The following SEC22A variants were observed in gnomAD, a reference collection of about 807,000 sequenced individuals.
SEC22A encodes vesicle-trafficking protein SEC22a.
In SEC22A, 22 loss-of-function variants were observed where a neutral mutation model predicts 35.3. That is an observed-to-expected ratio of 0.62 (90% CI 0.45 to 0.89). The LOEUF (loss-of-function observed/expected upper bound fraction) is 0.89. Among genes scored for constraint, SEC22A ranks in the 40% least tolerant of loss-of-function variants. The pLI, the probability that SEC22A is intolerant of heterozygous loss-of-function variation, is 0.00. For synonymous variants in SEC22A, 119 were observed against 129.5 expected (o/e 0.92, Z 0.55); for missense variants, 354 against 362.5 (o/e 0.98, Z 0.19).
rs571127579 is a variant in SEC22A at position 123,241,349 on chromosome 3, A to G, written c.542-4550A>G. ...TTGTGCCAGACTGTTAGTCTCATTC[A>G]GTCACACTTCAGTAATAAATTAGGC... On this transcript the variant is annotated intron_variant, in intron 4 of 6. Transcript: ENST00000492595. Among the ~76,000 whole-genome samples, 147 of 152,310 alleles carry G rather than the reference A, an allele frequency of 9.7e-4. 1 individual carries two copies. Among genetic ancestry groups the G allele is most frequent in the African/African-American group, 3.4e-3 (142 of 41,580 alleles).
chr3:123,265,100 C>G (rs1013022313), intron 6 of SEC22A, among the ~76,000 whole-genome samples: 1 of 152,138 alleles, frequency 6.6e-6, no homozygotes, highest in Non-Finnish European at 1.5e-5. Flanking sequence ...CCATACTGAA[C>G]ATGTACAGAC....
intron 5 of SEC22A, among the ~76,000 whole-genome samples, chr3:123,253,718 A>C (rs1478291503): frequency 6.6e-6 from 1 of 151,566 alleles, no homozygotes; most frequent in African/African-American, 2.4e-5. Context: ...ATCTCAAAAA[A>C]AAAAAAAAAA....
chr3:123,247,611 T>G (rs1434669650), intron 5 of SEC22A, among the ~76,000 whole-genome samples: 1 of 152,206 alleles, frequency 6.6e-6, no homozygotes, highest in Non-Finnish European at 1.5e-5. Flanking sequence ...ACCTACCTGG[T>G]TTCCTAATTG....
chr3:123,239,048 TA>T (rs948121608), intron 4 of SEC22A, among the ~76,000 whole-genome samples: 1 of 151,772 alleles, frequency 6.6e-6, no homozygotes, highest in African/African-American at 2.4e-5. Context: ...TTTATTTCTA[TA>T]TTTTTTTCTT....
chr3:123,227,448 G>T (rs547938735), intron 4 of SEC22A, among the ~76,000 whole-genome samples: 1 of 151,818 alleles, frequency 6.6e-6, no homozygotes, highest in Admixed American at 6.6e-5. Context: ...ACACACGGGG[G>T]CCTGTCAAGG....
intron 4 of SEC22A, among the ~76,000 whole-genome samples, chr3:123,244,842 G>A (rs1005884315): frequency 2.6e-5 from 4 of 152,202 alleles, no homozygotes; most frequent in Admixed American, 2.6e-4. Flanking sequence ...TCCTGTTTGA[G>A]GTCTAGATGA....
intron 5 of SEC22A, among the ~76,000 whole-genome samples, chr3:123,247,365 A>G (rs1353969714): frequency 6.6e-6 from 1 of 152,226 alleles, no homozygotes; most frequent in Non-Finnish European, 1.5e-5. Context: ...ATAAAACAGT[A>G]TACAAGTTAT....
chr3:123,260,437 T>C (rs1284987229), intron 6 of SEC22A, among the ~76,000 whole-genome samples: 1 of 151,984 alleles, frequency 6.6e-6, no homozygotes, highest in Non-Finnish European at 1.5e-5. Flanking sequence ...AAAATAGACA[T>C]TGAGAAGGAA....
chr3:123,211,609 C>A (rs929025610), intron 2 of SEC22A, among the ~76,000 whole-genome samples: 2 of 152,084 alleles, frequency 1.3e-5, no homozygotes, highest in African/African-American at 4.8e-5. Context: ...CAGGTGCACA[C>A]CACCACACCC....
At chr3:123,202,636 C>T (rs1052141334) in intron 1 of SEC22A, among the ~76,000 whole-genome samples, 5 of 152,266 alleles carry the variant, frequency 3.3e-5, no homozygotes, top group Non-Finnish European at 5.9e-5. Context: ...GGACAAGCCC[C>T]AGCTGGCTTG....
chr3:123,255,050 G>A (rs2108090332), intron 5 of SEC22A, among the ~76,000 whole-genome samples: 1 of 152,074 alleles, frequency 6.6e-6, no homozygotes, highest in East Asian at 1.9e-4. Flanking sequence ...CCTTTCAATT[G>A]CCAAATACAG....
In SEC22A at chr3:123,271,777, C is replaced by G; in HGVS notation, c.*55C>G. 1.5e-6 allele frequency: 2 copies of G among 1,371,232 alleles called. No individual in the cohort carries two copies. Among genetic ancestry groups the G allele is most frequent in the East Asian group, 4.6e-5 (2 of 43,332 alleles). The allele number at this position is 1,371,232 out of a possible 1,614,324, so 84.9% of individuals were successfully genotyped here. A position where few individuals can be genotyped will look rare whatever the true frequency, so the allele number is the denominator to read the frequency against. On this transcript the variant is annotated 3_prime_UTR_variant, in exon 7 of 7. Coordinates refer to ENST00000492595, the MANE Select transcript of SEC22A (RefSeq NM_012430.5). ...TCAGGGGGATAAGGAGGGAACATAT[C>G]ATAACTGCACTGTGATGAAGAAGCT...
intron 2 of SEC22A, among the ~76,000 whole-genome samples, chr3:123,220,948 G>A (rs1200402499): frequency 6.8e-6 from 1 of 146,356 alleles, no homozygotes; most frequent in Non-Finnish European, 1.5e-5. Flanking sequence ...CTCACAGGAA[G>A]GATACATAAG....
At chr3:123,202,667 C>T (rs1936769644) in intron 1 of SEC22A, among the ~76,000 whole-genome samples, 1 of 152,150 alleles carries the variant, frequency 6.6e-6, no homozygotes, top group Admixed American at 6.5e-5. Context: ...CCAGTGAAGA[C>T]AGCTTAAGAT....
intron 1 of SEC22A, among the ~76,000 whole-genome samples, chr3:123,207,545 T>C (rs1447044102): frequency 6.6e-6 from 1 of 152,238 alleles, no homozygotes; most frequent in Non-Finnish European, 1.5e-5. Flanking sequence ...AGAGAAGAGT[T>C]ATCACTTAAT....
rs533386545 is a variant in SEC22A at position 123,260,131 on chromosome 3, C to CAAAAAAA, written c.723+574_723+580dup. On this transcript the variant is annotated intron_variant, in intron 6 of 6. Coordinates refer to ENST00000492595, the MANE Select transcript of SEC22A (RefSeq NM_012430.5). ...TGGGCAACAGAGCGAGACTACATCT[C>CAAAAAAA]AAAAAAAAAAAAAAAAAAAAAAAAA... 7.6e-4 allele frequency among the ~76,000 whole-genome samples: 38 copies of CAAAAAAA among 49,784 alleles called. 6 individuals carry two copies. Among genetic ancestry groups the CAAAAAAA allele is most frequent in the African/African-American group, 1.7e-3 (17 of 10,160 alleles). 32.7% of individuals were successfully genotyped at this position (49,784 alleles called of 152,430 possible).
At chr3:123,247,742 C>T (rs1193709023) in intron 5 of SEC22A, among the ~76,000 whole-genome samples, 2 of 152,154 alleles carry the variant, frequency 1.3e-5, no homozygotes, top group East Asian at 1.9e-4. Context: ...TGACTGATAG[C>T]TCTGAGATTT....
At chr3:123,246,066 GT>G in intron 5 of SEC22A, 52 bp downstream of exon 5, 1 of 873,690 alleles carries the variant, frequency 1.1e-6, no homozygotes. Context: ...CATTCTACTG[GT>G]TACATAATTG....
At chr3:123,222,589 A>G (rs930976486) in intron 2 of SEC22A, among the ~76,000 whole-genome samples, 3 of 152,152 alleles carry the variant, frequency 2.0e-5, no homozygotes, top group African/African-American at 7.2e-5. Flanking sequence ...TCCTTTTCAA[A>G]AATAGAATGT....
Sources: allele counts gnomAD v4.1 joint callset (sites outside exome capture counted in the v4.1 genomes callset), GRCh38; gene constraint gnomAD v4.1.1; transcripts MANE v1.5; gene names NCBI Gene and HGNC (gene_info 2026-07-23, HGNC 2026-07-21).